The following PPFIBP1 variants were observed in gnomAD, a reference collection of about 807,000 sequenced individuals.
PPFIBP1 encodes the protein PPFIB scaffold protein 1.
PPFIBP1 carries 112 observed loss-of-function variants against 137.8 expected under a neutral mutation model. That is an observed-to-expected ratio of 0.81 (90% CI 0.70 to 0.95). The LOEUF (loss-of-function observed/expected upper bound fraction) is 0.95, where lower values mean the gene tolerates loss of function less well. Ranked by LOEUF, PPFIBP1 falls within the 40% of genes least tolerant of loss-of-function variation. The pLI is 0.00. For synonymous variants in PPFIBP1, 378 were observed against 417.3 expected (o/e 0.91, Z 1.15); for missense variants, 1,083 against 1,196.6 (o/e 0.91, Z 1.40).
intron 2 of PPFIBP1, among the ~76,000 whole-genome samples, chr12:27,607,731 G>A (rs114077640): frequency 1.6e-3 from 247 of 152,170 alleles, no homozygotes; most frequent in African/African-American, 5.6e-3. Flanking sequence ...AAATTGTTGC[G>A]GCAAGAATGG....
At chr12:27,669,726 A>C (rs550733723) in intron 13 of PPFIBP1, among the ~76,000 whole-genome samples, 28 of 152,366 alleles carry the variant, frequency 1.8e-4, no homozygotes, top group African/African-American at 6.3e-4. Flanking sequence ...TTGATAGTTA[A>C]ATAATCTGCT....
At chr12:27,615,394 G>C (rs887179095) in intron 2 of PPFIBP1, among the ~76,000 whole-genome samples, 1 of 152,296 alleles carries the variant, frequency 6.6e-6, no homozygotes, top group East Asian at 1.9e-4. Context: ...ACCCAACAGA[G>C]GGGTGGGTGG....
chr12:27,569,726 T>A (rs891148058), intron 1 of PPFIBP1, among the ~76,000 whole-genome samples: 3 of 152,112 alleles, frequency 2.0e-5, no homozygotes, highest in African/African-American at 7.2e-5. Flanking sequence ...GCCCAGCTAC[T>A]TTTTTGTATT....
At chr12:27,650,738 A>G (rs1178299481) in intron 7 of PPFIBP1, among the ~76,000 whole-genome samples, 1 of 152,198 alleles carries the variant, frequency 6.6e-6, no homozygotes, top group Non-Finnish European at 1.5e-5. Context: ...GTGGCTTAAC[A>G]AGCTTTATTG....
Position 27,564,573 on chromosome 12 carries a change from C to T in PPFIBP1, c.-123-13579C>T, listed in dbSNP as rs2049478023. On this transcript the variant is annotated intron_variant, in intron 1 of 29. Coordinates refer to ENST00000228425, the MANE Select transcript of PPFIBP1 (RefSeq NM_003622.4). The stretch of plus-strand genomic sequence containing the variant: ...GTAAATTTTTGCATGACTAACTTGT[C>T]CCTCTTGTGCTAATTATACGTGCTT... 1.3e-5 allele frequency among the ~76,000 whole-genome samples: 2 copies of T among 152,218 alleles called. 1 individual carries two copies. Among genetic ancestry groups the T allele is most frequent in the East Asian group, 3.9e-4 (2 of 5,178 alleles).
At chr12:27,679,867 T>C in intron 20 of PPFIBP1, 66 bp from the exon 21 acceptor site, 8 of 1,580,292 alleles carry the variant, frequency 5.1e-6, no homozygotes, top group Non-Finnish European at 6.9e-6. Flanking sequence ...TAGTTAAAAA[T>C]GTTCTGATTA....
At chr12:27,589,811 A>G (rs548986821) in intron 2 of PPFIBP1, among the ~76,000 whole-genome samples, 3 of 152,186 alleles carry the variant, frequency 2.0e-5, no homozygotes, top group East Asian at 1.9e-4. Context: ...AAGATATGTC[A>G]TCTTTCTTTC....
At chr12:27,601,468 T>G (rs1283075441) in intron 2 of PPFIBP1, among the ~76,000 whole-genome samples, 1 of 152,232 alleles carries the variant, frequency 6.6e-6, no homozygotes, top group African/African-American at 2.4e-5. Context: ...TAGAGTGTTT[T>G]GGTGTACACA....
At chr12:27,644,269 T>TTTTTTTTTTTTTTTTTTTTTTTTTTTTTC (rs1565926550) in intron 4 of PPFIBP1, among the ~76,000 whole-genome samples, 1 of 136,952 alleles carries the variant, frequency 7.3e-6, no homozygotes, top group Non-Finnish European at 1.6e-5. Flanking sequence ...TTTTTTTTTT[T>TTTTTTTTTTTTTTTTTTTTTTTTTTTTTC]AAGAGATAGG....
chr12:27,671,244 A>G (rs577946841), intron 13 of PPFIBP1, among the ~76,000 whole-genome samples, 187 bp from the exon 14 acceptor site: 8 of 152,326 alleles, frequency 5.3e-5, no homozygotes, highest in Admixed American at 1.3e-4. Flanking sequence ...CTTCCTCCAG[A>G]ATGATTTCCT....
At chr12:27,689,259 C>A in intron 27 of PPFIBP1, 56 bp downstream of exon 27, 1 of 1,465,178 alleles carries the variant, frequency 6.8e-7, no homozygotes, top group South Asian at 1.4e-5. Context: ...AACGTTTTGT[C>A]GGTTACCTGG....
At position 27,671,526 on chromosome 12, in the gene PPFIBP1, A is replaced by G. The variant is rs1439928968; in HGVS notation, c.1242A>G (p.Pro414=). 1 of 1,583,892 alleles carries G rather than the reference A, an allele frequency of 6.3e-7. No individual in the cohort carries two copies. The highest frequency in any genetic ancestry group is 8.6e-7 in the Non-Finnish European group (1 of 1,165,748). ...TSEKSKLTPK[P]ETSFEENDGN... ...AAAAATCAAAGTTGACTCCTAAGCC[A>G]GAGACTTCATTTGAAGAAAAGTATG... is the stretch of plus-strand genomic sequence containing the variant. The change falls in exon 14 of 30, where the codon CCA becomes CCG. Residue 414 remains proline, a synonymous_variant. Transcript: ENST00000228425.
chr12:27,596,099 CACACACACATAT>C (rs1233867380), intron 2 of PPFIBP1, among the ~76,000 whole-genome samples: 4 of 147,576 alleles, frequency 2.7e-5, no homozygotes, highest in East Asian at 1.9e-4. Context: ...CACACACACA[CACACACACATAT>C]GCTTACAAAT....
At chr12:27,550,494 C>T (rs1946656829) in intron 1 of PPFIBP1, among the ~76,000 whole-genome samples, 2 of 152,156 alleles carry the variant, frequency 1.3e-5, no homozygotes, top group Non-Finnish European at 2.9e-5. Context: ...ACACTGGACT[C>T]ACAGGAGTGC....
chr12:27,672,311 A>T, intron 14 of PPFIBP1, 116 bp from the exon 15 acceptor site: 1 of 787,392 alleles, frequency 1.3e-6, no homozygotes. Flanking sequence ...ACATTTAAAA[A>T]AATAGAAATA....
chr12:27,629,364 CT>C (rs1479497366), intron 2 of PPFIBP1, among the ~76,000 whole-genome samples: 1 of 152,152 alleles, frequency 6.6e-6, no homozygotes, highest in Non-Finnish European at 1.5e-5. Context: ...TAACCTATAT[CT>C]CAATCAAGAT....
intron 2 of PPFIBP1, among the ~76,000 whole-genome samples, chr12:27,578,671 C>T (rs2050784015): frequency 6.6e-6 from 1 of 152,192 alleles, no homozygotes; most frequent in Non-Finnish European, 1.5e-5. Flanking sequence ...TTCTCACAGG[C>T]ATATTTACCC....
chr12:27,650,043 A>T lies in PPFIBP1; in HGVS notation c.505A>T (p.Lys169Ter). ...LLSRTSLETQ[K>*]LDLMAEISNL... The stretch of plus-strand genomic sequence containing the variant: ...AAGTAGGACATCCTTAGAAACTCAG[A>T]AGTTGGATCTGATGGCTGAAATATC... Residue 169 changes from lysine to a stop codon, truncating the protein, a stop_gained, in exon 7 of 30, where the codon AAG becomes TAG. Coordinates refer to ENST00000228425, the MANE Select transcript of PPFIBP1 (RefSeq NM_003622.4). LOFTEE classifies it high-confidence loss of function. 6.2e-7 allele frequency: 1 copy of T among 1,603,060 alleles called. No homozygotes were observed. The highest frequency in any genetic ancestry group is 1.1e-5 in the South Asian group (1 of 90,808).
intron 4 of PPFIBP1, among the ~76,000 whole-genome samples, chr12:27,641,038 G>A (rs1050933361): frequency 2.0e-4 from 30 of 152,244 alleles, no homozygotes; most frequent in African/African-American, 6.7e-4. Context: ...TCAAGACTGC[G>A]TGACAATTTT....
Sources: allele counts gnomAD v4.1 joint callset (sites outside exome capture counted in the v4.1 genomes callset), GRCh38; gene constraint gnomAD v4.1.1; transcripts MANE v1.5; gene names NCBI Gene and HGNC (gene_info 2026-07-23, HGNC 2026-07-21).